RAB3GAP1: variants seen among roughly 807,000 people sequenced by gnomAD.
RAB3GAP1 encodes rab3 GTPase-activating protein catalytic subunit.
RAB3GAP1 carries 86 observed loss-of-function variants against 130.7 expected under a neutral mutation model. The observed-to-expected ratio is 0.66, with a 90% confidence interval of 0.55 to 0.79. The LOEUF (loss-of-function observed/expected upper bound fraction) is 0.79. Ranked by LOEUF, RAB3GAP1 falls within the 30% of genes least tolerant of loss-of-function variation. The pLI, the probability that RAB3GAP1 is intolerant of heterozygous loss-of-function variation, is 0.00. For missense variants in RAB3GAP1, 1,029 were observed against 1,169.4 expected (o/e 0.88, Z 1.75); for synonymous variants, 367 against 401.7 (o/e 0.91, Z 1.03).
intron 17 of RAB3GAP1, among the ~76,000 whole-genome samples, chr2:135,139,356 C>T (rs1691772131): frequency 6.6e-6 from 1 of 151,918 alleles, no homozygotes; most frequent in African/African-American, 2.4e-5. Context: ...GCCTGAGGAA[C>T]ATGACAAAAC....
At chr2:135,156,593 C>T (rs531344166) in intron 19 of RAB3GAP1, among the ~76,000 whole-genome samples, 4 of 152,182 alleles carry the variant, frequency 2.6e-5, no homozygotes, top group African/African-American at 7.2e-5. Flanking sequence ...ATAAATTTAA[C>T]TTAAAACTCT....
At chr2:135,142,053 C>G (rs917817010) in intron 17 of RAB3GAP1, among the ~76,000 whole-genome samples, 5 of 152,124 alleles carry the variant, frequency 3.3e-5, no homozygotes, top group African/African-American at 9.7e-5. Flanking sequence ...ATTTGAGAAT[C>G]AGCTTGTTAA....
intron 3 of RAB3GAP1, among the ~76,000 whole-genome samples, chr2:135,078,691 TGCCCTCCCCTCC>T (rs1689700413): frequency 3.2e-5 from 1 of 30,816 alleles, no homozygotes; most frequent in African/African-American, 1.8e-4. Flanking sequence ...TCCCCTCCCC[TGCCCTCCCCTCC>T]CCTCTCCTTT....
intron 2 of RAB3GAP1, among the ~76,000 whole-genome samples, chr2:135,055,052 G>A (rs1468942592): frequency 6.6e-6 from 1 of 152,138 alleles, no homozygotes; most frequent in East Asian, 1.9e-4. Context: ...TGCACATTAC[G>A]GATTTAGGGA....
At chr2:135,172,977 G>A (rs1396617359), downstream of RAB3GAP1, among the ~76,000 whole-genome samples, 3 of 152,072 alleles carry the variant, frequency 2.0e-5, no homozygotes, top group South Asian at 2.1e-4. Flanking sequence ...CACATGGTGC[G>A]GAATGGAAGG....
intron 19 of RAB3GAP1, among the ~76,000 whole-genome samples, chr2:135,156,000 A>C (rs917917322): frequency 6.6e-6 from 1 of 152,152 alleles, no homozygotes; most frequent in Admixed American, 6.5e-5. Context: ...AAAAGGGCAC[A>C]TATTAGTAAC....
chr2:135,123,978 CT>C, intron 8 of RAB3GAP1, 186 bp from the exon 9 acceptor site: 1 of 589,358 alleles, frequency 1.7e-6, no homozygotes, highest in Non-Finnish European at 3.0e-6. Context: ...TGCCCTTTTA[CT>C]GTAACATTCT....
chr2:135,157,846 A>C (rs903416424), intron 19 of RAB3GAP1, among the ~76,000 whole-genome samples: 6 of 151,776 alleles, frequency 4.0e-5, no homozygotes, highest in Non-Finnish European at 5.9e-5. Context: ...AAAAAAAAAA[A>C]AAACAAAAAC....
At chr2:135,058,206 A>G in intron 3 of RAB3GAP1, 120 bp downstream of exon 3, 1 of 815,588 alleles carries the variant, frequency 1.2e-6, no homozygotes, top group East Asian at 2.7e-5. Flanking sequence ...TATAATCTAT[A>G]AACATCAAAT....
At chr2:135,056,264 G>A (rs1689007489) in intron 2 of RAB3GAP1, among the ~76,000 whole-genome samples, 6 of 152,044 alleles carry the variant, frequency 3.9e-5, no homozygotes, top group Admixed American at 3.3e-4. Flanking sequence ...GTGCAGTGGT[G>A]CAGTCTTGGC....
chr2:135,087,275 C>G (rs552592242), intron 3 of RAB3GAP1, among the ~76,000 whole-genome samples: 2 of 152,210 alleles, frequency 1.3e-5, no homozygotes, highest in Non-Finnish European at 2.9e-5. Context: ...GTTTGTCTGT[C>G]TTTATGCCTA....
chr2:135,064,116 GA>G (rs1689251115), intron 3 of RAB3GAP1, among the ~76,000 whole-genome samples: 3 of 152,002 alleles, frequency 2.0e-5, no homozygotes, highest in African/African-American at 7.2e-5. Context: ...CTGCTTTTGA[GA>G]TTTTTTTATT....
In RAB3GAP1 at chr2:135,163,038, C is replaced by T. The variant is rs1692514022; in HGVS notation, c.2543C>T (p.Ser848Leu). ...NVEALIARAR[S>L]LKAKFGTEKC... Reference sequence around the variant, plus strand: ...GAAGCTCTCATTGCCAGAGCTCGGTCACTAAAAGCCAAGTTTGGAACTGAG... The same window carrying T: ...GAAGCTCTCATTGCCAGAGCTCGGTTACTAAAAGCCAAGTTTGGAACTGAG... The change falls in exon 22 of 24, where the codon TCA becomes TTA. Residue 848 changes from serine to leucine, a missense_variant. Physicochemically the swap from Ser to Leu is moderately radical, Grantham distance 145. This residue lies in a region of RAB3GAP1 where 373 missense variants were observed against 493.6 expected (regional missense o/e 0.76). Transcript: ENST00000264158. 6.2e-7 allele frequency: 1 copy of T among 1,614,018 alleles called. No individual in the cohort carries two copies. The highest frequency in any genetic ancestry group is 8.5e-7 in the Non-Finnish European group (1 of 1,179,932).
chr2:135,118,287 A>G (rs554773504), intron 7 of RAB3GAP1, among the ~76,000 whole-genome samples: 22 of 152,196 alleles, frequency 1.4e-4, no homozygotes, highest in Non-Finnish European at 2.5e-4. Flanking sequence ...TTAAAAAAAA[A>G]AGTTTTTAAT....
chr2:135,157,206 A>T (rs1692335938), intron 19 of RAB3GAP1, among the ~76,000 whole-genome samples: 1 of 152,072 alleles, frequency 6.6e-6, no homozygotes, highest in African/African-American at 2.4e-5. Context: ...TTTTATAGAG[A>T]TTAGATCTCA....
Position 135,168,825 on chromosome 2 carries a change from C to T in RAB3GAP1, c.*44C>T, listed in dbSNP as rs369406767. The T allele has an allele frequency of 1.5e-5, 23 of 1,547,324 alleles. No homozygotes were observed. The highest frequency in any genetic ancestry group is 1.9e-5 in the Non-Finnish European group (21 of 1,120,030). ...TTGGTGGCTTCAGAGACAGTGCTGC[C>T]TCCTCCTGAGGGAGGGAAGGTACCA... On this transcript the variant is annotated 3_prime_UTR_variant, in exon 24 of 24. Coordinates refer to ENST00000264158, the MANE Select transcript of RAB3GAP1 (RefSeq NM_012233.3).
chr2:135,076,532 C>T (rs1374117695), intron 3 of RAB3GAP1, among the ~76,000 whole-genome samples: 3 of 152,138 alleles, frequency 2.0e-5, no homozygotes, highest in Non-Finnish European at 2.9e-5. Flanking sequence ...TTTCTACTGT[C>T]TCATTGGATT....
chr2:135,083,987 G>C (rs1400786460), intron 3 of RAB3GAP1, among the ~76,000 whole-genome samples: 1 of 151,994 alleles, frequency 6.6e-6, no homozygotes, highest in African/African-American at 2.4e-5. Context: ...GCTCATGTCT[G>C]TAATCCCAGC....
At position 135,133,961 on chromosome 2, in the gene RAB3GAP1, G is replaced by A. The variant is rs144231223; in HGVS notation, c.1427G>A (p.Gly476Glu). The A allele has an allele frequency of 2.1e-4, 340 of 1,613,806 alleles. 1 individual carries two copies. The highest frequency in any genetic ancestry group is 2.7e-4 in the Non-Finnish European group (317 of 1,179,844). Residue 476 changes from glycine (G) to glutamate (E), a missense_variant, in exon 15 of 24, where the codon GGA (glycine) becomes GAA (glutamate). Gly to Glu is a moderately conservative substitution (Grantham distance 98). This residue lies in a region of RAB3GAP1 where 373 missense variants were observed against 493.6 expected (regional missense o/e 0.76). Transcript: ENST00000264158. ...MINFYHGGLK[G>E]VAHLWQEFVL... Reference sequence around the variant, plus strand: ...AATTTTTACCATGGAGGGTTGAAAGGAGTGGCACACCTCTGGCAGGAATTT... The same window carrying A: ...AATTTTTACCATGGAGGGTTGAAAGAAGTGGCACACCTCTGGCAGGAATTT...
Sources: gnomAD v4.1 joint callset for allele counts (sites outside exome capture counted in the v4.1 genomes callset) on GRCh38, gnomAD v4.1.1 for gene constraint, gnomAD v4.1.1 regional missense constraint, MANE v1.5 for transcripts, NCBI Gene and HGNC (gene_info 2026-07-23, HGNC 2026-07-21) for gene names.